Variants in CNBD1 observed in about 807,000 individuals in gnomAD.
The protein encoded by CNBD1 is cyclic nucleotide-binding domain-containing protein 1.
Under a neutral mutation model 54.4 loss-of-function variants are expected in CNBD1, and 71 were observed. The observed-to-expected ratio is 1.30, with a 90% CI of 1.08 to 1.59. The LOEUF is 1.59. CNBD1 is among the 40% of genes most tolerant of loss of function. The pLI is 0.00. For missense variants in CNBD1, 659 were observed against 518.0 expected (o/e 1.27, Z -2.64); for synonymous variants, 182 against 170.7 (o/e 1.07, Z -0.51).
intron 8 of CNBD1, among the ~76,000 whole-genome samples, chr8:87,306,876 A>C (rs1168925434): frequency 1.3e-5 from 2 of 152,128 alleles, no homozygotes; most frequent in Non-Finnish European, 2.9e-5. Flanking sequence ...TAATCATATA[A>C]CCAAATACCA....
chr8:86,912,399 A>C (rs915826428), intron 3 of CNBD1, among the ~76,000 whole-genome samples: 10 of 149,936 alleles, frequency 6.7e-5, no homozygotes, highest in East Asian at 1.9e-4. Context: ...TGCACTGCAT[A>C]ACAACATTTC....
intron 4 of CNBD1, among the ~76,000 whole-genome samples, chr8:87,142,006 C>G (rs1812379379): frequency 6.6e-6 from 1 of 152,126 alleles, no homozygotes; most frequent in Non-Finnish European, 1.5e-5. Context: ...GAATTCATTG[C>G]ATAAAATACA....
At chr8:87,198,598 A>G (rs188583837) in intron 4 of CNBD1, among the ~76,000 whole-genome samples, 1 of 152,350 alleles carries the variant, frequency 6.6e-6, no homozygotes, top group Non-Finnish European at 1.5e-5. Flanking sequence ...AAAGGAAACC[A>G]TGTCCAAAGA....
chr8:86,899,046 GC>G (rs1808891969), intron 2 of CNBD1, among the ~76,000 whole-genome samples: 1 of 152,012 alleles, frequency 6.6e-6, no homozygotes, highest in South Asian at 2.1e-4. Flanking sequence ...GAACCCAGAG[GC>G]CCTTATGTTA....
At chr8:86,927,685 G>C (rs990717546) in intron 3 of CNBD1, among the ~76,000 whole-genome samples, 2 of 152,142 alleles carry the variant, frequency 1.3e-5, no homozygotes, top group African/African-American at 4.8e-5. Context: ...AGTATGGTTA[G>C]TATACTGCTT....
At position 87,382,684 on chromosome 8, in the gene CNBD1, T is replaced by A; in HGVS notation, c.*57T>A. On this transcript the variant is annotated 3_prime_UTR_variant, in exon 11 of 11. Transcript: ENST00000518476. ...AGAAAGTATTGACTAAATAATGGAA[T>A]AATTGCATTCTGGAATACTATCAAA... The A allele has an allele frequency of 7.7e-7, 1 of 1,294,446 alleles. No individual in the cohort carries two copies. Among genetic ancestry groups the A allele is most frequent in the South Asian group, 1.3e-5 (1 of 74,604 alleles). The allele number at this position is 1,294,446 out of a possible 1,614,324, so 80.2% of individuals were successfully genotyped here.
At chr8:86,953,822 G>A (rs533139145) in intron 4 of CNBD1, among the ~76,000 whole-genome samples, 26 of 152,204 alleles carry the variant, frequency 1.7e-4, no homozygotes, top group East Asian at 1.9e-4. Flanking sequence ...AGCCAAGATC[G>A]TGCTACTGCA....
intron 4 of CNBD1, among the ~76,000 whole-genome samples, chr8:87,191,457 C>A (rs548765034): frequency 6.6e-6 from 1 of 152,188 alleles, no homozygotes; most frequent in African/African-American, 2.4e-5. Context: ...GTAACACCTT[C>A]AGAGACACCC....
chr8:87,406,163 A>G (rs1160940610), intron 2 of CNBD1, among the ~76,000 whole-genome samples: 1 of 152,108 alleles, frequency 6.6e-6, no homozygotes, highest in Non-Finnish European at 1.5e-5. Context: ...TAATTTAATG[A>G]TCTGTATCCA....
intron 4 of CNBD1, among the ~76,000 whole-genome samples, chr8:87,033,562 G>A (rs1809841142): frequency 6.6e-6 from 1 of 152,158 alleles, no homozygotes; most frequent in Non-Finnish European, 1.5e-5. Flanking sequence ...GATAAAGGCA[G>A]TACTGATTAT....
chr8:87,184,410 C>T (rs1035868191), intron 4 of CNBD1, among the ~76,000 whole-genome samples: 7 of 152,172 alleles, frequency 4.6e-5, no homozygotes, highest in African/African-American at 1.7e-4. Context: ...ACGCTAAAGC[C>T]ACCTAGAGGA....
At chr8:87,253,105 G>A (rs1474276607) in intron 6 of CNBD1, among the ~76,000 whole-genome samples, 1 of 152,052 alleles carries the variant, frequency 6.6e-6, no homozygotes, top group Non-Finnish European at 1.5e-5. Context: ...ATTCCTAAGG[G>A]TAGTTTAAAA....
chr8:87,047,893 G>A (rs960401249), intron 4 of CNBD1, among the ~76,000 whole-genome samples: 3 of 152,182 alleles, frequency 2.0e-5, no homozygotes, highest in Non-Finnish European at 2.9e-5. Flanking sequence ...ATCTGGTAGG[G>A]TAAAGGTGGG....
At chr8:87,219,775 CCAAA>C (rs1297196017) in intron 5 of CNBD1, among the ~76,000 whole-genome samples, 1 of 151,856 alleles carries the variant, frequency 6.6e-6, no homozygotes, top group African/African-American at 2.4e-5. Context: ...TAGTTTTGAA[CCAAA>C]CAATGTTAAA....
At chr8:86,946,225 T>A (rs1807462804) in intron 4 of CNBD1, among the ~76,000 whole-genome samples, 1 of 152,190 alleles carries the variant, frequency 6.6e-6, no homozygotes, top group African/African-American at 2.4e-5. Flanking sequence ...TCATTTTTAA[T>A]ATATTCAAGA....
At chr8:86,970,670 G>A (rs1416638697) in intron 4 of CNBD1, among the ~76,000 whole-genome samples, 2 of 151,826 alleles carry the variant, frequency 1.3e-5, no homozygotes, top group Non-Finnish European at 2.9e-5. Flanking sequence ...TATGTATGTA[G>A]TGTTTAGCTT....
At chr8:87,149,392 G>A (rs191457087) in intron 4 of CNBD1, among the ~76,000 whole-genome samples, 302 of 152,260 alleles carry the variant, frequency 2.0e-3, no homozygotes, top group Non-Finnish European at 3.3e-3. Context: ...GTGTTGTCAC[G>A]TGATTGGAAG....
intron 10 of CNBD1, among the ~76,000 whole-genome samples, chr8:87,373,847 A>T (rs1586058436): frequency 6.6e-6 from 1 of 151,964 alleles, no homozygotes; most frequent in African/African-American, 2.4e-5. Context: ...ATTTTTAGAT[A>T]GAACCCAAGT....
At chr8:87,423,015 T>C (rs1009164584) in intron 2 of CNBD1, among the ~76,000 whole-genome samples, 43 of 152,016 alleles carry the variant, frequency 2.8e-4, no homozygotes, top group African/African-American at 7.3e-4. Context: ...GATTCCTAGG[T>C]ATTTTATTCT....
Sources: allele counts gnomAD v4.1 joint callset (sites outside exome capture counted in the v4.1 genomes callset), GRCh38; gene constraint gnomAD v4.1.1; transcripts MANE v1.5; gene names NCBI Gene and HGNC (gene_info 2026-07-23, HGNC 2026-07-21).